The following ADAMTS20 variants were observed in gnomAD, a reference collection of about 807,000 sequenced individuals.
ADAMTS20 encodes ADAM metallopeptidase with thrombospondin type 1 motif 20.
In ADAMTS20, 225 loss-of-function variants were observed where a neutral mutation model predicts 260.1. The ratio of observed to expected loss-of-function variants is 0.87; its 90% CI spans 0.78 to 0.97. The LOEUF is 0.97. Among genes scored for constraint, ADAMTS20 ranks in the 50% least tolerant of loss-of-function variants. The pLI, the probability that ADAMTS20 is intolerant of heterozygous loss-of-function variation, is 0.00. For synonymous variants in ADAMTS20, 802 were observed against 769.5 expected, an observed-to-expected ratio of 1.04 and a Z score of -0.70; for missense variants, 2,400 against 2,337.7, an observed-to-expected ratio of 1.03 and a Z score of -0.55.
chr12:43,417,497 G>C (rs989881377), intron 28 of ADAMTS20, among the ~76,000 whole-genome samples: 1 of 152,186 alleles, frequency 6.6e-6, no homozygotes, highest in East Asian at 1.9e-4. Context: ...ATTAGTGTAT[G>C]AGCTTAAGTA....
chr12:43,516,760 T>A (rs2137473525), intron 3 of ADAMTS20, among the ~76,000 whole-genome samples: 1 of 152,188 alleles, frequency 6.6e-6, no homozygotes, highest in East Asian at 1.9e-4. Context: ...ATGCACGTTG[T>A]GCACATGTAC....
At chr12:43,374,758 C>T (rs1346829997) in intron 36 of ADAMTS20, among the ~76,000 whole-genome samples, 3 of 152,142 alleles carry the variant, frequency 2.0e-5, no homozygotes, top group Non-Finnish European at 4.4e-5. Flanking sequence ...CTGCAAAAAG[C>T]TTCCACAAGT....
rs531214515 is a variant in ADAMTS20 at position 43,414,599 on chromosome 12, C to T, written c.4284+10915G>A. Among the ~76,000 whole-genome samples the T allele has an allele frequency of 7.7e-4, 117 of 152,048 alleles. 1 individual carries two copies. The highest frequency in any genetic ancestry group is 2.8e-3 in the African/African-American group (115 of 41,484). ...TATCCCCTGGGAATAAACAATTTAG[C>T]CATCAGAGAAATGCAAACTACAACC... On this transcript the variant is annotated intron_variant, in intron 28 of 38. Transcript: ENST00000389420.
intron 18 of ADAMTS20, among the ~76,000 whole-genome samples, chr12:43,436,918 A>G (rs1040945392): frequency 2.0e-5 from 3 of 152,230 alleles, no homozygotes; most frequent in Non-Finnish European, 4.4e-5. Flanking sequence ...CTTCTCTCCA[A>G]TGACATATGA....
chr12:43,379,696 G>A (rs956266669), intron 31 of ADAMTS20, among the ~76,000 whole-genome samples: 3 of 152,086 alleles, frequency 2.0e-5, no homozygotes, highest in African/African-American at 7.3e-5. Context: ...GGCCATGTAT[G>A]ACAAACAATA....
intron 7 of ADAMTS20, among the ~76,000 whole-genome samples, chr12:43,486,235 G>A (rs1430506761): frequency 1.3e-5 from 2 of 152,084 alleles, no homozygotes; most frequent in African/African-American, 4.8e-5. Context: ...CAGACACATA[G>A]ATCAATGGAA....
intron 3 of ADAMTS20, among the ~76,000 whole-genome samples, chr12:43,508,192 T>C (rs980887135): frequency 6.6e-6 from 1 of 151,950 alleles, no homozygotes; most frequent in Non-Finnish European, 1.5e-5. Flanking sequence ...CTGTCTGAAA[T>C]GAGAACACTG....
intron 11 of ADAMTS20, among the ~76,000 whole-genome samples, chr12:43,454,822 T>G (rs1158515357): frequency 1.3e-5 from 2 of 152,222 alleles, no homozygotes; most frequent in Admixed American, 6.5e-5. Context: ...TTAAGAAATT[T>G]TTGTAAGATT....
intron 28 of ADAMTS20, among the ~76,000 whole-genome samples, chr12:43,402,097 T>A (rs1940821529): frequency 6.6e-6 from 1 of 152,138 alleles, no homozygotes; most frequent in South Asian, 2.1e-4. Flanking sequence ...TAGCACTTCA[T>A]CATTTTCTGC....
intron 2 of ADAMTS20, among the ~76,000 whole-genome samples, chr12:43,536,429 G>A (rs943913570): frequency 1.3e-5 from 2 of 152,056 alleles, no homozygotes; most frequent in African/African-American, 4.8e-5. Context: ...CAAAATCCCT[G>A]CCTTCAAAGA....
In ADAMTS20 at chr12:43,384,496, C is replaced by G. The variant is rs534463739; in HGVS notation, c.4453-519G>C. On this transcript the variant is annotated intron_variant, in intron 29 of 38. Transcript: ENST00000389420. Reference sequence around the variant, plus strand: ...TACTTTAAGTTCTGGGATACATGTGCAGAACATGCCGCTTTGTTACGTAGG... The same window carrying G: ...TACTTTAAGTTCTGGGATACATGTGGAGAACATGCCGCTTTGTTACGTAGG... Among the ~76,000 whole-genome samples, 11 of 152,154 alleles carry G rather than the reference C, an allele frequency of 7.2e-5. No individual in the cohort carries two copies. In the South Asian group the frequency reaches 2.3e-3, roughly 32 times the overall value.
intron 29 of ADAMTS20, among the ~76,000 whole-genome samples, chr12:43,386,181 C>A (rs12320886): frequency 0.22 from 33,494 of 151,990 alleles, 4,360 homozygotes; most frequent in African/African-American, 0.35. Context: ...TTAGTTATTT[C>A]TTGTCTTCTG....
intron 28 of ADAMTS20, among the ~76,000 whole-genome samples, chr12:43,405,664 T>C (rs1940905950): frequency 6.6e-6 from 1 of 151,992 alleles, no homozygotes; most frequent in Admixed American, 6.6e-5. Flanking sequence ...AAACAAAAAA[T>C]GACGACAAGA....
At chr12:43,547,567 G>A (rs963971057) in intron 2 of ADAMTS20, among the ~76,000 whole-genome samples, 2 of 152,192 alleles carry the variant, frequency 1.3e-5, no homozygotes, top group Non-Finnish European at 2.9e-5. Context: ...TAGAGGTGTA[G>A]AAGAGTTCGA....
intron 2 of ADAMTS20, 52 bp from the exon 3 acceptor site, chr12:43,532,247 A>G: frequency 6.7e-7 from 1 of 1,503,278 alleles, no homozygotes; most frequent in Non-Finnish European, 9.0e-7. Flanking sequence ...GCCAAGAAGA[A>G]AAAACACATA....
chr12:43,405,310 T>C (rs960175082), intron 28 of ADAMTS20, among the ~76,000 whole-genome samples: 142 of 142,916 alleles, frequency 9.9e-4, no homozygotes, highest in Middle Eastern at 3.8e-3. Context: ...CCCAGCTACT[T>C]GGGAGACTGA....
intron 7 of ADAMTS20, among the ~76,000 whole-genome samples, chr12:43,471,708 A>AC (rs1251117744): frequency 1.4e-5 from 2 of 140,460 alleles, no homozygotes; most frequent in African/African-American, 5.3e-5. Flanking sequence ...ACTGGGAGGC[A>AC]CCCCCCAGCA....
intron 3 of ADAMTS20, among the ~76,000 whole-genome samples, chr12:43,527,430 A>C (rs1232694586): frequency 6.6e-6 from 1 of 152,212 alleles, no homozygotes; most frequent in Non-Finnish European, 1.5e-5. Flanking sequence ...AAAATGAAAC[A>C]AAAATCCTCA....
At chr12:43,454,154 A>C in intron 11 of ADAMTS20, 102 bp from the exon 12 acceptor site, 1 of 1,308,416 alleles carries the variant, frequency 7.6e-7, no homozygotes, top group Non-Finnish European at 1.0e-6. Context: ...AACAAACTAA[A>C]CAATTTGAAG....
Sources: allele counts gnomAD v4.1 joint callset (sites outside exome capture counted in the v4.1 genomes callset), GRCh38; gene constraint gnomAD v4.1.1; transcripts MANE v1.5; gene names NCBI Gene and HGNC (gene_info 2026-07-23, HGNC 2026-07-21).